Variants in SAMD3 observed in about 807,000 individuals in gnomAD.
SAMD3 encodes sterile alpha motif domain-containing protein 3.
Under a neutral mutation model 58.5 loss-of-function variants are expected in SAMD3, and 63 were observed. The ratio of observed to expected loss-of-function variants is 1.08; its 90% CI spans 0.88 to 1.33. SAMD3 has a LOEUF of 1.33. SAMD3 is among the 40% of genes most tolerant of loss of function. SAMD3 has a pLI of 0.00. For synonymous variants in SAMD3, 220 were observed against 210.3 expected (o/e 1.05, Z -0.40); for missense variants, 604 against 608.4 (o/e 0.99, Z 0.08).
At chr6:130,263,392 G>A (rs1313662222) in intron 2 of SAMD3, among the ~76,000 whole-genome samples, 7 of 151,974 alleles carry the variant, frequency 4.6e-5, no homozygotes, top group African/African-American at 1.2e-4. Context: ...TCACGTTCTC[G>A]TCAAAAGGTG....
chr6:130,351,076 G>C (rs201451615), intron 1 of SAMD3, among the ~76,000 whole-genome samples: 9,425 of 151,902 alleles, frequency 0.062, 609 homozygotes, highest in East Asian at 0.29. Flanking sequence ...AAAATTAATT[G>C]GGGATGGATT....
At chr6:130,210,334 A>T (rs1795427335) in intron 4 of SAMD3, among the ~76,000 whole-genome samples, 1 of 152,164 alleles carries the variant, frequency 6.6e-6, no homozygotes, top group African/African-American at 2.4e-5. Context: ...GTGGTGGCTC[A>T]ACATCTGTAA....
At chr6:130,254,405 A>T (rs1353059603) in intron 2 of SAMD3, among the ~76,000 whole-genome samples, 26 of 152,020 alleles carry the variant, frequency 1.7e-4, no homozygotes. Context: ...CATGTTGGGC[A>T]GGCCACTCTC....
chr6:130,172,038 C>CT (rs1348948497), intron 8 of SAMD3, among the ~76,000 whole-genome samples: 1 of 152,058 alleles, frequency 6.6e-6, no homozygotes, highest in African/African-American at 2.4e-5. Flanking sequence ...AACCCCTACT[C>CT]TTTTTTTGCT....
intron 2 of SAMD3, among the ~76,000 whole-genome samples, chr6:130,258,935 T>C (rs938257541): frequency 6.6e-6 from 1 of 152,136 alleles, no homozygotes; most frequent in Non-Finnish European, 1.5e-5. Context: ...AAACAGGAAC[T>C]GAGGAAGTGG....
intron 2 of SAMD3, among the ~76,000 whole-genome samples, chr6:130,249,395 A>C (rs1773665166): frequency 6.6e-6 from 1 of 152,138 alleles, no homozygotes; most frequent in Admixed American, 6.5e-5. Flanking sequence ...CTGGGAGCTT[A>C]GAAGGGAGAA....
At chr6:130,360,804 C>T (rs917375446) in intron 1 of SAMD3, among the ~76,000 whole-genome samples, 15 of 152,198 alleles carry the variant, frequency 9.9e-5, no homozygotes, top group Admixed American at 5.9e-4. Context: ...ATGGCCACAC[C>T]CAAGGGGGCC....
Position 130,272,328 on chromosome 6 carries a change from A to G in SAMD3, c.-188+40650T>C, listed in dbSNP as rs909315910. ...GTCTTTATTAAATGAATTGAATTCAAGCATGGCTAAAATCAATTACTTTTT... is the reference window on the plus strand; with the variant it reads ...GTCTTTATTAAATGAATTGAATTCAGGCATGGCTAAAATCAATTACTTTTT... On this transcript the variant is annotated intron_variant, in intron 2 of 13. Coordinates refer to the SAMD3 transcript ENST00000368134. 2.2e-4 allele frequency among the ~76,000 whole-genome samples: 34 copies of G among 152,216 alleles called. 1 individual carries two copies.
chr6:130,271,331 C>G (rs78735073), intron 2 of SAMD3, among the ~76,000 whole-genome samples: 14 of 152,182 alleles, frequency 9.2e-5, no homozygotes, highest in African/African-American at 3.4e-4. Context: ...TTTCTGTTTC[C>G]CCTCAACTTC....
rs1355772235 is a variant in SAMD3 at position 130,183,441 on chromosome 6, G to T, written c.654+662C>A. On this transcript the variant is annotated intron_variant, in intron 7 of 11. Coordinates refer to ENST00000439090, the MANE Select transcript of SAMD3 (RefSeq NM_001017373.4). ...GCAGAGATCTGACAGGGCCAGGTAAGGCTGGAGGCCCAGACCTCAAAGCCA... is the reference window on the plus strand; with the variant it reads ...GCAGAGATCTGACAGGGCCAGGTAATGCTGGAGGCCCAGACCTCAAAGCCA... 12 of 442,820 alleles carry T rather than the reference G, an allele frequency of 2.7e-5. No homozygotes were observed. In the East Asian group the frequency reaches 7.7e-4, roughly 28 times the overall value. The allele number at this position is 442,820 out of a possible 1,614,324, so 27.4% of individuals were successfully genotyped here.
Position 130,214,379 on chromosome 6 carries a change from G to T in SAMD3, c.227C>A (p.Pro76His), listed in dbSNP as rs538012184. 6.2e-7 allele frequency: 1 copy of T among 1,608,676 alleles called. No individual in the cohort carries two copies. Among genetic ancestry groups the T allele is most frequent in the East Asian group, 2.2e-5 (1 of 44,596 alleles). Residue 76 changes from proline (P) to histidine (H), a missense_variant, in exon 4 of 12, where the codon CCC (proline) becomes CAC (histidine). By Grantham distance (77) the Pro-to-His change is moderately conservative. Coordinates refer to ENST00000439090, the MANE Select transcript of SAMD3 (RefSeq NM_001017373.4). Reference sequence around the variant, plus strand: ...TTGCATGACCAGGGCTGCCTTTTTGGGGTTTTCTGGGGACTTCAGTCCTTG... The same window carrying T: ...TTGCATGACCAGGGCTGCCTTTTTGTGGTTTTCTGGGGACTTCAGTCCTTG... Reference protein sequence around the residue: ...NTQGLKSPENPKKAALVMQTE... With the variant: ...NTQGLKSPENHKKAALVMQTE...
chr6:130,297,222 A>G (rs1216979285), intron 2 of SAMD3, among the ~76,000 whole-genome samples: 3 of 152,186 alleles, frequency 2.0e-5, no homozygotes, highest in East Asian at 1.9e-4. Context: ...CATCACTACA[A>G]CAAGCAACAT....
At chr6:130,283,421 AT>A (rs1460436431) in intron 2 of SAMD3, among the ~76,000 whole-genome samples, 1 of 152,234 alleles carries the variant, frequency 6.6e-6, no homozygotes, top group Non-Finnish European at 1.5e-5. Flanking sequence ...AGCAGGCTAA[AT>A]AAAAATAAAT....
intron 2 of SAMD3, among the ~76,000 whole-genome samples, chr6:130,277,324 C>T (rs117510822): frequency 0.015 from 2,213 of 152,294 alleles, 55 homozygotes; most frequent in African/African-American, 0.046. Flanking sequence ...TACTACATTC[C>T]TCCCATGGTT....
rs1790997393 is a variant in SAMD3, at chr6:130,169,154, TCAAAC to T, written c.822+6682_822+6686del. On this transcript the variant is annotated intron_variant, in intron 8 of 11. Coordinates refer to ENST00000439090, the MANE Select transcript of SAMD3 (RefSeq NM_001017373.4). ...CAAAGGAGCTATCGACGGAAGAAGT[TCAAAC>T]CAAAGATTAAAAATAATGTTGGTAA... 2.6e-5 allele frequency among the ~76,000 whole-genome samples: 4 copies of T among 152,134 alleles called. No individual in the cohort carries two copies. In the South Asian group the frequency reaches 8.3e-4, roughly 32 times the overall value.
downstream of SAMD3, chr6:130,142,960 A>C (rs1212484890): frequency 1.3e-5 from 2 of 152,230 alleles, no homozygotes; most frequent in African/African-American, 4.8e-5. Context: ...TGATTACTGG[A>C]GGATAGGAAC....
chr6:130,295,035 C>T lies in SAMD3; in HGVS notation c.-188+17943G>A, dbSNP rs150477010. On this transcript the variant is annotated intron_variant, in intron 2 of 13. Transcript: ENST00000368134. ...GCCTTCAGGGTTCAAGCAATTCTCC[C>T]GCCTCAGCCTCCCAAGTAGCTGGGA... 5.5e-3 allele frequency among the ~76,000 whole-genome samples: 832 copies of T among 150,662 alleles called. 11 individuals are homozygous for T. Among genetic ancestry groups the T allele is most frequent in the African/African-American group, 0.016 (651 of 40,944 alleles).
intron 1 of SAMD3, among the ~76,000 whole-genome samples, chr6:130,358,929 G>A (rs537901043): frequency 6.7e-4 from 102 of 152,200 alleles, no homozygotes; most frequent in African/African-American, 2.4e-3. Flanking sequence ...TTATTGATGG[G>A]CACAGAGGTG....
At chr6:130,303,657 T>C (rs886242990) in intron 2 of SAMD3, among the ~76,000 whole-genome samples, 3 of 152,218 alleles carry the variant, frequency 2.0e-5, no homozygotes, top group African/African-American at 7.2e-5. Context: ...AAAACACATC[T>C]GGAATCCATC....
Sources: allele counts gnomAD v4.1 joint callset (sites outside exome capture counted in the v4.1 genomes callset), GRCh38; gene constraint gnomAD v4.1.1; transcripts MANE v1.5; gene names NCBI Gene and HGNC (gene_info 2026-07-23, HGNC 2026-07-21).